Variants in DMD observed in about 807,000 individuals in gnomAD.
DMD encodes mutant dystrophin.
DMD carries 63 observed loss-of-function variants against 330.1 expected under a neutral mutation model. That is an observed-to-expected ratio of 0.19 (90% CI 0.16 to 0.24). The LOEUF is 0.24. DMD is among the 10% of genes least tolerant of loss of function. The pLI, the probability that DMD is intolerant of heterozygous loss-of-function variation, is 1.00. For synonymous variants in DMD, 1,223 were observed against 959.8 expected, an observed-to-expected ratio of 1.27 and a Z score of -5.07; for missense variants, 3,344 against 2,684.1, an observed-to-expected ratio of 1.25 and a Z score of -5.43.
intron 5 of DMD, among the ~76,000 whole-genome samples, chrX:32,818,610 G>GTCTT (rs1244622499): frequency 8.9e-6 from 1 of 111,855 alleles, no homozygotes; most frequent in Admixed American, 9.5e-5. Flanking sequence ...AAGTTGAAAT[G>GTCTT]TCTTTGAGCA....
At chrX:33,234,391 C>G in intron 1 of DMD, among the ~76,000 whole-genome samples, 1 of 109,871 alleles carries the variant, frequency 9.1e-6, no homozygotes, top group South Asian at 4.0e-4. Context: ...GTGTGTGTGT[C>G]TGTGTGTATT....
In DMD at chrX:31,553,750, T is replaced by C. The variant is rs771127649; in HGVS notation, c.8218-46297A>G. 5.3e-5 allele frequency among the ~76,000 whole-genome samples: 6 copies of C among 112,578 alleles called. No homozygotes were observed. The South Asian group carries it at 2.2e-3, about 41-fold the overall frequency. On this transcript the variant is annotated intron_variant, in intron 55 of 78. Transcript: ENST00000357033. ...ACTCTTTAAATCTACTTAGAAATCA[T>C]ACAGGATTGTGTGGTAAATTCTGTG...
chrX:32,015,765 T>G (rs1422940483), intron 44 of DMD, among the ~76,000 whole-genome samples: 1 of 112,120 alleles, frequency 8.9e-6, no homozygotes, highest in Non-Finnish European at 1.9e-5. Context: ...TCTACTTGGA[T>G]GCACAGCTGC....
intron 42 of DMD, among the ~76,000 whole-genome samples, chrX:32,289,112 T>C (rs959409461): frequency 3.6e-5 from 4 of 111,843 alleles, no homozygotes; most frequent in African/African-American, 1.3e-4. Flanking sequence ...ATATATTTGC[T>C]GTTTTACTTT....
chrX:33,027,222 G>A (rs2094021019), intron 1 of DMD, among the ~76,000 whole-genome samples: 1 of 112,106 alleles, frequency 8.9e-6, no homozygotes. Flanking sequence ...TTAAAAGGGG[G>A]GAAATGTTGG....
intron 1 of DMD, among the ~76,000 whole-genome samples, chrX:33,137,217 A>C (rs999117223): frequency 9.0e-6 from 1 of 111,242 alleles, no homozygotes; most frequent in Admixed American, 9.6e-5. Context: ...AAGATAAATA[A>C]AACACACTTA....
At chrX:33,139,268 G>A (rs2047669028) in intron 1 of DMD, among the ~76,000 whole-genome samples, 1 of 111,525 alleles carries the variant, frequency 9.0e-6, no homozygotes, top group African/African-American at 3.3e-5. Context: ...ACTGAAGCCT[G>A]GGAGACAGAG....
chrX:32,960,662 A>G (rs1469045855), intron 2 of DMD, among the ~76,000 whole-genome samples: 1 of 111,257 alleles, frequency 9.0e-6, no homozygotes, highest in Non-Finnish European at 1.9e-5. Context: ...CCTCTACACA[A>G]ATCAAAGTTC....
At chrX:32,759,696 T>C (rs1401746104) in intron 7 of DMD, among the ~76,000 whole-genome samples, 2 of 112,039 alleles carry the variant, frequency 1.8e-5, no homozygotes, top group African/African-American at 3.2e-5. Flanking sequence ...TCATATATAA[T>C]GCTACCTCAG....
At chrX:32,496,977 A>G (rs2043553123) in intron 19 of DMD, among the ~76,000 whole-genome samples, 1 of 112,160 alleles carries the variant, frequency 8.9e-6, no homozygotes, top group African/African-American at 3.2e-5. Context: ...ATTTGTATAC[A>G]GACTATTTGC....
chrX:31,876,779 T>C (rs1164760056), intron 47 of DMD, among the ~76,000 whole-genome samples: 1 of 111,263 alleles, frequency 9.0e-6, no homozygotes, highest in East Asian at 2.8e-4. Flanking sequence ...TTCTTCAGAA[T>C]ATCAAGAGTT....
chrX:32,946,279 A>G (rs1302911946), intron 2 of DMD, among the ~76,000 whole-genome samples: 8 of 110,850 alleles, frequency 7.2e-5, no homozygotes, highest in African/African-American at 2.6e-4. Context: ...TTCCTTATTC[A>G]TTAATTTTTA....
chrX:31,562,845 G>A (rs957473026), intron 55 of DMD, among the ~76,000 whole-genome samples: 1 of 111,174 alleles, frequency 9.0e-6, no homozygotes, highest in Non-Finnish European at 1.9e-5. Flanking sequence ...TTTAGAAAAC[G>A]TCTTCCTCAT....
intron 47 of DMD, among the ~76,000 whole-genome samples, chrX:31,891,686 C>T (rs186208957): frequency 3.6e-5 from 4 of 111,628 alleles, no homozygotes; most frequent in Admixed American, 9.5e-5. Flanking sequence ...TCCACAATAG[C>T]GGTGTTAAGT....
At chrX:33,173,760 T>C (rs1333913552) in intron 1 of DMD, among the ~76,000 whole-genome samples, 2 of 110,853 alleles carry the variant, frequency 1.8e-5, no homozygotes. Context: ...TTAAGATTTA[T>C]GATAGTCTAT....
intron 61 of DMD, among the ~76,000 whole-genome samples, chrX:31,341,910 C>CGCATGT (rs1385787549): frequency 0.014 from 1,534 of 110,591 alleles, 32 homozygotes; most frequent in African/African-American, 0.048. Flanking sequence ...CACACACACA[C>CGCATGT]ACACACACAC....
At chrX:31,288,602 T>C (rs542531821) in intron 62 of DMD, among the ~76,000 whole-genome samples, 1 of 111,733 alleles carries the variant, frequency 8.9e-6, no homozygotes, top group African/African-American at 3.3e-5. Flanking sequence ...TGAAGACTTA[T>C]AGGGCCATGT....
intron 11 of DMD, among the ~76,000 whole-genome samples, chrX:32,633,183 G>A (rs1158947247): frequency 9.0e-6 from 1 of 111,526 alleles, no homozygotes; most frequent in Non-Finnish European, 1.9e-5. Context: ...CAGAGAGTAG[G>A]TTGTTAGAAG....
chrX:32,252,747 T>TATAA (rs2097274219), intron 43 of DMD, among the ~76,000 whole-genome samples: 2 of 35,025 alleles, frequency 5.7e-5, no homozygotes, highest in Non-Finnish European at 9.1e-5. Context: ...TATATATAAA[T>TATAA]ATATATAAAT....
Sources: allele counts gnomAD v4.1 joint callset (sites outside exome capture counted in the v4.1 genomes callset), GRCh38; gene constraint gnomAD v4.1.1; transcripts MANE v1.5; gene names NCBI Gene and HGNC (gene_info 2026-07-23, HGNC 2026-07-21).